Variants in RELL1 observed in about 807,000 individuals in gnomAD.
RELL1 encodes RELT like 1.
RELL1 carries 10 observed loss-of-function variants against 23.0 expected under a neutral mutation model. The observed-to-expected ratio is 0.43, with a 90% CI of 0.27 to 0.74. RELL1 has a LOEUF of 0.74. Among genes scored for constraint, RELL1 ranks in the 30% least tolerant of loss-of-function variants. The probability of loss-of-function intolerance (pLI) is 0.19; values close to 1 mark genes in which losing one functional copy is unlikely to be tolerated. For synonymous variants in RELL1, 146 were observed against 146.8 expected, an observed-to-expected ratio of 0.99 and a Z score of 0.04; for missense variants, 315 against 364.4, an observed-to-expected ratio of 0.86 and a Z score of 1.10.
chr4:37,667,680 G>C (rs553410685), intron 1 of RELL1, among the ~76,000 whole-genome samples: 47 of 151,858 alleles, frequency 3.1e-4, no homozygotes, highest in Non-Finnish European at 6.2e-4. Flanking sequence ...TAGTGAGTCA[G>C]TTATTAGGAA....
At chr4:37,630,884 C>G (rs908215592) in intron 6 of RELL1, among the ~76,000 whole-genome samples, 5 of 151,704 alleles carry the variant, frequency 3.3e-5, no homozygotes, top group African/African-American at 1.2e-4. Flanking sequence ...TTTTTCAAGT[C>G]ACAGTTTACC....
intron 1 of RELL1, among the ~76,000 whole-genome samples, chr4:37,669,485 G>C (rs1197535814): frequency 6.6e-6 from 1 of 151,558 alleles, no homozygotes; most frequent in Non-Finnish European, 1.5e-5. Flanking sequence ...ACCCCTACTG[G>C]GAAGTGAGGA....
intron 1 of RELL1, among the ~76,000 whole-genome samples, chr4:37,678,612 A>C (rs1443422817): frequency 6.6e-6 from 1 of 152,188 alleles, no homozygotes; most frequent in Admixed American, 6.5e-5. Flanking sequence ...GAGGCCCAAA[A>C]AGGAAAATTC....
intron 1 of RELL1, among the ~76,000 whole-genome samples, chr4:37,676,779 A>T (rs1346196888): frequency 6.6e-6 from 1 of 152,180 alleles, no homozygotes; most frequent in Non-Finnish European, 1.5e-5. Context: ...TCTTCACTTT[A>T]TTATAAAGAA....
rs1278959508 is a variant in RELL1 at position 37,685,512 on chromosome 4, A to G, written c.88+688T>C. ...ACTGCTTCATCGTTGGTGACACTTT[A>G]GCATCTCTGTTGGTGGCTTCCTGCC... On this transcript the variant is annotated intron_variant, in intron 1 of 6. Transcript: ENST00000454158. 2.6e-5 allele frequency among the ~76,000 whole-genome samples: 4 copies of G among 152,212 alleles called. No homozygotes were observed. In the East Asian group the frequency reaches 7.7e-4, roughly 29 times the overall value.
chr4:37,598,614 CT>C (rs1303416131), intron 6 of RELL1, among the ~76,000 whole-genome samples: 1 of 151,986 alleles, frequency 6.6e-6, no homozygotes, highest in East Asian at 1.9e-4. Context: ...GCTCAAACAG[CT>C]AAATAACTCA....
At chr4:37,602,484 G>A (rs1490322623) in intron 6 of RELL1, among the ~76,000 whole-genome samples, 2 of 151,806 alleles carry the variant, frequency 1.3e-5, no homozygotes, top group African/African-American at 4.8e-5. Flanking sequence ...GGAACTCTGT[G>A]GCTCAGTTCC....
At chr4:37,659,815 C>A in intron 1 of RELL1, among the ~76,000 whole-genome samples, 1 of 152,118 alleles carries the variant, frequency 6.6e-6, no homozygotes, top group Non-Finnish European at 1.5e-5. Context: ...AAACAGCTCT[C>A]AAATCCAACC....
intron 3 of RELL1, among the ~76,000 whole-genome samples, chr4:37,645,128 G>C (rs1286958992): frequency 6.6e-6 from 1 of 152,206 alleles, no homozygotes; most frequent in African/African-American, 2.4e-5. Context: ...CCCCTGGCAA[G>C]GTTCTCACAG....
At chr4:37,626,140 A>G (rs1719936371) in intron 6 of RELL1, among the ~76,000 whole-genome samples, 1 of 152,196 alleles carries the variant, frequency 6.6e-6, no homozygotes, top group Admixed American at 6.5e-5. Flanking sequence ...GGGAATATAC[A>G]TTATTACAGT....
At chr4:37,673,830 A>T (rs903464491) in intron 1 of RELL1, among the ~76,000 whole-genome samples, 1 of 152,142 alleles carries the variant, frequency 6.6e-6, no homozygotes, top group African/African-American at 2.4e-5. Flanking sequence ...CCGCAACTAC[A>T]CAGTAAAGTG....
chr4:37,597,038 G>A (rs548693602), intron 6 of RELL1, among the ~76,000 whole-genome samples: 125 of 151,662 alleles, frequency 8.2e-4, no homozygotes, highest in African/African-American at 2.6e-3. Context: ...GTGAGTCACC[G>A]CGCCCAGCCC....
chr4:37,669,224 G>C (rs1207924383), intron 1 of RELL1, among the ~76,000 whole-genome samples: 1 of 136,118 alleles, frequency 7.3e-6, no homozygotes, highest in South Asian at 2.2e-4. Context: ...CGCCCCGTCC[G>C]GGAGGGAGGT....
At chr4:37,658,965 C>T (rs1290197447) in intron 1 of RELL1, among the ~76,000 whole-genome samples, 2 of 152,202 alleles carry the variant, frequency 1.3e-5, no homozygotes, top group East Asian at 1.9e-4. Flanking sequence ...ACCAATCAAT[C>T]TCCCTCCCAA....
intron 1 of RELL1, among the ~76,000 whole-genome samples, chr4:37,664,796 T>C (rs569400378): frequency 2.6e-5 from 4 of 152,134 alleles, no homozygotes; most frequent in Non-Finnish European, 5.9e-5. Flanking sequence ...CTACATGATA[T>C]CACTGGGTCG....
downstream of RELL1, chr4:37,590,026 CCTGTGGTAAAAAG>C: frequency 8.7e-7 from 1 of 1,152,774 alleles, no homozygotes; most frequent in Middle Eastern, 2.0e-4. Flanking sequence ...AGAAGCAGGG[CCTGTGGTAAAAAG>C]CATTAATGAT....
chr4:37,645,020 A>G (rs1195976448), intron 3 of RELL1, among the ~76,000 whole-genome samples: 1 of 152,122 alleles, frequency 6.6e-6, no homozygotes, highest in Non-Finnish European at 1.5e-5. Context: ...ATGGGAAGAA[A>G]ATGTCGAGAT....
At chr4:37,635,164 G>A (rs1720281051) in intron 4 of RELL1, 41 bp from the exon 5 acceptor site, 1 of 1,496,194 alleles carries the variant, frequency 6.7e-7, no homozygotes. Context: ...CTGGTTAAAG[G>A]AAATATCAGC....
At chr4:37,599,973 G>C (rs2109484528) in intron 6 of RELL1, among the ~76,000 whole-genome samples, 1 of 152,236 alleles carries the variant, frequency 6.6e-6, no homozygotes, top group African/African-American at 2.4e-5. Flanking sequence ...AACAATAAAT[G>C]TTAGATGTAA....
Sources: gnomAD v4.1 joint callset for allele counts (sites outside exome capture counted in the v4.1 genomes callset) on GRCh38, gnomAD v4.1.1 for gene constraint, MANE v1.5 for transcripts, NCBI Gene and HGNC (gene_info 2026-07-23, HGNC 2026-07-21) for gene names.